The following IL10RA variants were observed in gnomAD, a reference collection of about 807,000 sequenced individuals.
IL10RA encodes interleukin 10 receptor subunit alpha, also known as interleukin-10 receptor subunit alpha.
A neutral mutation model predicts 29.6 loss-of-function variants in IL10RA; 18 were observed. The ratio of observed to expected loss-of-function variants is 0.61; its 90% confidence interval spans 0.42 to 0.90. The LOEUF (loss-of-function observed/expected upper bound fraction) is 0.90, where lower values mean the gene tolerates loss of function less well. Among genes scored for constraint, IL10RA ranks in the 40% least tolerant of loss-of-function variants. The pLI is 0.00. For synonymous variants in IL10RA, 292 were observed against 294.1 expected (o/e 0.99, Z 0.07); for missense variants, 634 against 716.6 (o/e 0.88, Z 1.32).
rs1028353597 is a variant in IL10RA, at chr11:118,001,082, C to T, written c.*1441C>T. The T allele has an allele frequency of 8.8e-6, 4 of 454,166 alleles. No individual in the cohort carries two copies. The Admixed American group carries it at 9.4e-5, about 11-fold the overall frequency. The allele number at this position is 454,166 out of a possible 1,614,324, so 28.1% of individuals were successfully genotyped here. On this transcript the variant is annotated 3_prime_UTR_variant, in exon 7 of 7. Transcript: ENST00000227752. Reference sequence around the variant, plus strand: ...CCAGGGAATCCAGCCATGACCCCCACCCCTCTGCCAAAGTACTCTTAGGTG... The same window carrying T: ...CCAGGGAATCCAGCCATGACCCCCATCCCTCTGCCAAAGTACTCTTAGGTG...
In IL10RA at chr11:117,999,361, G is replaced by C. The variant is rs749348898; in HGVS notation, c.1457G>C (p.Gly486Ala). The C allele has an allele frequency of 1.2e-6, 2 of 1,614,224 alleles. No homozygotes were observed. Among genetic ancestry groups the C allele is most frequent in the South Asian group, 2.2e-5 (2 of 91,090 alleles). The change falls in exon 7 of 7, where the codon GGC (glycine) becomes GCC (alanine). Residue 486 changes from glycine (G) to alanine (A), a missense_variant. Coordinates refer to ENST00000227752, the MANE Select transcript of IL10RA (RefSeq NM_001558.4). ...KFGRCLVDEA[G>A]LHPPALAKGY... ...GGGAGATGCCTGGTTGATGAGGCAGGCTTGCATCCACCAGCCCTGGCCAAG... is the reference window on the plus strand; with the variant it reads ...GGGAGATGCCTGGTTGATGAGGCAGCCTTGCATCCACCAGCCCTGGCCAAG...
In IL10RA at chr11:117,988,476, T is replaced by C. The variant is rs767001544; in HGVS notation, c.162T>C (p.Ser54=). Reference sequence around the variant, plus strand: ...CACCCATCCCAAATCAGTCTGAAAGTACCTGCTATGAAGTGGCGCTCCTGA... The same window carrying C: ...CACCCATCCCAAATCAGTCTGAAAGCACCTGCTATGAAGTGGCGCTCCTGA... ...HWTPIPNQSE[S]TCYEVALLRY... is the part of the protein sequence containing the mutation. The change falls in exon 2 of 7, where the codon AGT becomes AGC. Residue 54 remains serine (S), a synonymous_variant. Transcript: ENST00000227752. 1 of 1,614,022 alleles carries C rather than the reference T, an allele frequency of 6.2e-7. No homozygotes were observed. The highest frequency in any genetic ancestry group is 8.5e-7 in the Non-Finnish European group (1 of 1,179,950).
Position 117,994,032 on chromosome 11 carries a change from A to G in IL10RA, c.571A>G (p.Ser191Gly). ...THKKVKHENF[S>G]LLTSGEVGEF... is the part of the protein sequence containing the mutation. ...CAAGAAAGTAAAACATGAAAACTTC[A>G]GCCTCCTAACCTCTGGAGAAGTGGG... Residue 191 changes from serine (S) to glycine (G), a missense_variant, in exon 5 of 7, where the codon AGC becomes GGC. Physicochemically the swap from Ser to Gly is moderately conservative, Grantham distance 56. Transcript: ENST00000227752. 2 of 1,614,098 alleles carry G rather than the reference A, an allele frequency of 1.2e-6. No homozygotes were observed. The highest frequency in any genetic ancestry group is 1.7e-5 in the Admixed American group (1 of 60,030).
At chr11:117,994,465 G>A (rs931406642) in intron 5 of IL10RA, among the ~76,000 whole-genome samples, 1 of 152,186 alleles carries the variant, frequency 6.6e-6, no homozygotes, top group African/African-American at 2.4e-5. Context: ...GCCATCTTCA[G>A]TGAGCTGTGC....
rs1591267084 is a variant in IL10RA at position 117,999,827 on chromosome 11, C to T, written c.*186C>T. ...TGTCTGGGGCAGGAGGAGGCCAACT[C>T]ACTGAACTAGTGCAGGGTATGTGGG... On this transcript the variant is annotated 3_prime_UTR_variant, in exon 7 of 7. Coordinates refer to ENST00000227752, the MANE Select transcript of IL10RA (RefSeq NM_001558.4). 1.4e-6 allele frequency: 1 copy of T among 701,672 alleles called. No individual in the cohort carries two copies. Among genetic ancestry groups the T allele is most frequent in the African/African-American group, 1.7e-5 (1 of 57,170 alleles). The allele number at this position is 701,672 out of a possible 1,614,324, so 43.5% of individuals were successfully genotyped here.
At chr11:117,997,944 G>A (rs1234076889) in intron 6 of IL10RA, among the ~76,000 whole-genome samples, 1 of 152,152 alleles carries the variant, frequency 6.6e-6, no homozygotes, top group Admixed American at 6.5e-5. Flanking sequence ...GCAGGAGGGA[G>A]AGTGTGTGCA....
At chr11:117,998,596 A>C in intron 6 of IL10RA, 119 bp from the exon 7 acceptor site, 1 of 823,494 alleles carries the variant, frequency 1.2e-6, no homozygotes, top group Non-Finnish European at 2.1e-6. Flanking sequence ...ATTCCAGTGT[A>C]ATTTAGACTG....
intron 1 of IL10RA, 113 bp downstream of exon 1, chr11:117,986,647 C>T: frequency 6.5e-7 from 1 of 1,538,638 alleles, no homozygotes; most frequent in African/African-American, 1.4e-5. Context: ...AGAGCGGTGC[C>T]CGGGTGCTCC....
At chr11:117,993,664 C>T (rs979656035) in intron 4 of IL10RA, among the ~76,000 whole-genome samples, 1 of 152,236 alleles carries the variant, frequency 6.6e-6, no homozygotes, top group East Asian at 1.9e-4. Context: ...CAATAAGGCT[C>T]TGAGAGGCTG....
chr11:117,987,031 C>G (rs1232983695), intron 1 of IL10RA: 15 of 398,996 alleles, frequency 3.8e-5, no homozygotes, highest in Non-Finnish European at 3.5e-5. Context: ...CCCACTGCCC[C>G]CTGCCTCTCT....
Position 117,986,542 on chromosome 11 carries a change from T to G in IL10RA, c.67+8T>G, listed in dbSNP as rs200992970. 6.4e-7 allele frequency: 1 copy of G among 1,552,442 alleles called. No homozygotes were observed. The highest frequency in any genetic ancestry group is 2.4e-5 in the East Asian group (1 of 41,074). On this transcript the variant is annotated splice_region_variant and intron_variant, in intron 1 of 6. Transcript: ENST00000227752. ...TTGGCTCAGACGCTCATGGTAAGGC[T>G]CCGGGACGCGGCCCTTCCCTGCCCT...
chr11:117,995,356 T>C, intron 5 of IL10RA: 1 of 584,344 alleles, frequency 1.7e-6, no homozygotes, highest in Non-Finnish European at 3.1e-6. Flanking sequence ...TGCAGAGAGC[T>C]GGAAGCAGTT....
At chr11:117,987,344 C>A (rs1273244943) in intron 1 of IL10RA, 1 of 180,048 alleles carries the variant, frequency 5.6e-6, no homozygotes, top group African/African-American at 2.4e-5. Flanking sequence ...GTTTCGAAAT[C>A]AAGGCACTGA....
rs747902722 is a variant in IL10RA, at chr11:117,999,626, G to T, written c.1722G>T (p.Leu574=). 3.2e-5 allele frequency: 51 copies of T among 1,613,800 alleles called. No individual in the cohort carries two copies. In the South Asian group the frequency reaches 5.2e-4, roughly 16 times the overall value. ...DLVTLPLISS[L]QSSE ...TCACCCTGCCCCTCATCTCTAGCCT[G>T]CAGTCAAGTGAGTGACTCGGGCTGA... is the stretch of plus-strand genomic sequence containing the variant. Residue 574 remains leucine (L), a synonymous_variant, in exon 7 of 7, where the codon CTG becomes CTT. Transcript: ENST00000227752.
Position 117,999,406 on chromosome 11 carries a change from C to A in IL10RA, c.1502C>A (p.Pro501His). The A allele has an allele frequency of 6.2e-7, 1 of 1,614,216 alleles. No individual in the cohort carries two copies. Among genetic ancestry groups the A allele is most frequent in the Non-Finnish European group, 8.5e-7 (1 of 1,180,044 alleles). Residue 501 changes from proline to histidine, a missense_variant, in exon 7 of 7, where the codon CCT becomes CAT. Coordinates refer to ENST00000227752, the MANE Select transcript of IL10RA (RefSeq NM_001558.4). ...GCCAAGGGCTATTTGAAACAGGATCCTCTAGAAATGACTCTGGCTTCCTCA... is the reference window on the plus strand; with the variant it reads ...GCCAAGGGCTATTTGAAACAGGATCATCTAGAAATGACTCTGGCTTCCTCA... Reference protein sequence around the residue: ...ALAKGYLKQDPLEMTLASSGA... With the variant: ...ALAKGYLKQDHLEMTLASSGA...
chr11:117,989,727 C>T lies in IL10RA; in HGVS notation c.367+107C>T. 1 of 1,175,140 alleles carries T rather than the reference C, an allele frequency of 8.5e-7. No homozygotes were observed. Among genetic ancestry groups the T allele is most frequent in the East Asian group, 2.5e-5 (1 of 39,648 alleles). The allele number at this position is 1,175,140 out of a possible 1,614,324, so 72.8% of individuals were successfully genotyped here. A position where few individuals can be genotyped will look rare whatever the true frequency, so the allele number is the denominator to read the frequency against. On this transcript the variant is annotated intron_variant, in intron 3 of 6. Transcript: ENST00000227752. This position sits in a 1 kb window ranked among gnomAD's most constrained non-coding sequence, Gnocchi z 4.5. ...TACCATAGCTCACCATGTCTGCCAGCCTCCCTGGCCGGAGAACTAGTTGCC... is the reference window on the plus strand; with the variant it reads ...TACCATAGCTCACCATGTCTGCCAGTCTCCCTGGCCGGAGAACTAGTTGCC...
chr11:117,989,389 A>G lies in IL10RA; in HGVS notation c.189-53A>G. On this transcript the variant is annotated intron_variant, in intron 2 of 6. Coordinates refer to ENST00000227752, the MANE Select transcript of IL10RA (RefSeq NM_001558.4). This position sits in a 1 kb window ranked among gnomAD's most constrained non-coding sequence, Gnocchi z 4.5. ...TGGCCTCTTGCGTCTCCCTTAAAGG[A>G]GGTAGGATTGAGCACAAGCTCGTTT... 5 of 1,515,818 alleles carry G rather than the reference A, an allele frequency of 3.3e-6. No homozygotes were observed. In the Admixed American group the frequency reaches 5.0e-5, roughly 15 times the overall value. 93.9% of individuals were successfully genotyped at this position (1,515,818 alleles called of 1,614,324 possible).
intron 1 of IL10RA, chr11:117,986,872 C>T (rs1415878942): frequency 7.3e-7 from 1 of 1,369,514 alleles, no homozygotes. Context: ...TTCTTGTCCC[C>T]TTGGGGAATA....
At chr11:117,992,263 C>T (rs148626550) in intron 3 of IL10RA, among the ~76,000 whole-genome samples, 173 of 152,278 alleles carry the variant, frequency 1.1e-3, no homozygotes, top group African/African-American at 4.0e-3. Flanking sequence ...TTTAGATTTT[C>T]GAGGAACATC....
Sources: gnomAD v4.1 joint callset for allele counts (sites outside exome capture counted in the v4.1 genomes callset) on GRCh38, gnomAD v4.1.1 for gene constraint, Gnocchi (gnomAD v3.1) non-coding constraint, MANE v1.5 for transcripts, NCBI Gene and HGNC (gene_info 2026-07-23, HGNC 2026-07-21) for gene names.